Variants in ZNF536 observed in about 807,000 individuals in gnomAD.
ZNF536 encodes the protein zinc finger protein 536.
ZNF536 carries 13 observed loss-of-function variants against 84.5 expected under a neutral mutation model. The ratio of observed to expected loss-of-function variants is 0.15; its 90% CI spans 0.10 to 0.24. ZNF536 has a LOEUF of 0.24. ZNF536 is among the 10% of genes least tolerant of loss of function. The probability of loss-of-function intolerance (pLI) is 1.00; values close to 1 mark genes in which losing one functional copy is unlikely to be tolerated. For missense variants in ZNF536, 1,536 were observed against 1,747.5 expected (o/e 0.88, Z 2.16); for synonymous variants, 811 against 742.5 (o/e 1.09, Z -1.50).
rs1264243739 is a variant in ZNF536, at chr19:30,549,412, C to G, written c.3793C>G (p.Leu1265Val). 1 of 1,590,080 alleles carries G rather than the reference C, an allele frequency of 6.3e-7. No individual in the cohort carries two copies. The highest frequency in any genetic ancestry group is 8.6e-7 in the Non-Finnish European group (1 of 1,168,126). Reference sequence around the variant, plus strand: ...GAGCCTGGACAAGCCGATGAACATGCTGTCGGTCCTCAGGGCCTACAGTTC... The same window carrying G: ...GAGCCTGGACAAGCCGATGAACATGGTGTCGGTCCTCAGGGCCTACAGTTC... ...PQSLDKPMNM[L>V]SVLRAYSSDG... Residue 1265 changes from leucine to valine, a missense_variant, in exon 4 of 5, where the codon CTG (leucine) becomes GTG (valine). Transcript: ENST00000355537.
chr19:30,303,663 C>A (rs561461720), intron 2 of ZNF536, among the ~76,000 whole-genome samples: 14 of 152,094 alleles, frequency 9.2e-5, no homozygotes, highest in Non-Finnish European at 1.5e-4. Context: ...CCACCACGCC[C>A]GGCTAATTTT....
intron 1 of ZNF536, among the ~76,000 whole-genome samples, chr19:30,675,870 A>G (rs2147776281): frequency 6.6e-6 from 1 of 151,966 alleles, no homozygotes; most frequent in African/African-American, 2.4e-5. Context: ...TTTATTTTTT[A>G]TTTTTGACAC....
At chr19:30,586,047 CT>C (rs1295280920) in intron 1 of ZNF536, among the ~76,000 whole-genome samples, 7 of 152,224 alleles carry the variant, frequency 4.6e-5, no homozygotes, top group African/African-American at 1.7e-4. Flanking sequence ...CACCCCTGCC[CT>C]CCTGGAGCTT....
chr19:30,500,448 C>A (rs943067008), intron 2 of ZNF536, among the ~76,000 whole-genome samples: 1 of 152,010 alleles, frequency 6.6e-6, no homozygotes, highest in African/African-American at 2.4e-5. Flanking sequence ...CAACCCCGGG[C>A]TCATTCCTGG....
chr19:30,236,214 A>G (rs1386782999), intron 1 of ZNF536, among the ~76,000 whole-genome samples: 1 of 152,130 alleles, frequency 6.6e-6, no homozygotes, highest in Non-Finnish European at 1.5e-5. Flanking sequence ...TGGCAAAGCC[A>G]CTCTCTCACT....
At chr19:30,485,068 C>G (rs540913776) in intron 2 of ZNF536, among the ~76,000 whole-genome samples, 1 of 151,868 alleles carries the variant, frequency 6.6e-6, no homozygotes, top group African/African-American at 2.4e-5. Context: ...GGTGTGAACC[C>G]GGAAGGCAGA....
intron 3 of ZNF536, among the ~76,000 whole-genome samples, chr19:30,542,889 G>A (rs2045388656): frequency 1.3e-5 from 2 of 152,160 alleles, no homozygotes; most frequent in Admixed American, 6.5e-5. Context: ...ATAGCTCATT[G>A]CAGCCTCCAA....
At chr19:30,629,838 C>T (rs1163908311) in intron 1 of ZNF536, among the ~76,000 whole-genome samples, 3 of 152,230 alleles carry the variant, frequency 2.0e-5, no homozygotes, top group African/African-American at 7.2e-5. Context: ...AGGGCAGGGG[C>T]AGTGAGGGTC....
In ZNF536 at chr19:30,569,559, C is replaced by CTTTTTTTTTTTTTTTT. The variant is rs34995610; in HGVS notation, c.169+20060_169+20075dup. Among the ~76,000 whole-genome samples, 49 of 55,094 alleles carry CTTTTTTTTTTTTTTTT rather than the reference C, an allele frequency of 8.9e-4. 11 individuals are homozygous for CTTTTTTTTTTTTTTTT. Among genetic ancestry groups the CTTTTTTTTTTTTTTTT allele is most frequent in the East Asian group, 3.6e-3 (4 of 1,106 alleles). 36.1% of individuals were successfully genotyped at this position (55,094 alleles called of 152,430 possible). ...ATGGAATCGAAGCCAGATAAACGTT[C>CTTTTTTTTTTTTTTTT]TTTTTTTTTTTTTTTTTTTTTTTTT... On this transcript the variant is annotated intron_variant, in intron 1 of 1. Coordinates refer to the ZNF536 transcript ENST00000592773.
At chr19:30,226,467 G>C (rs891123496), upstream of ZNF536, among the ~76,000 whole-genome samples, 1 of 151,838 alleles carries the variant, frequency 6.6e-6, no homozygotes, top group African/African-American at 2.4e-5. The surrounding 1 kb of genome is among the most constrained non-coding windows in gnomAD (Gnocchi z 4.6). Flanking sequence ...GAGAGCCGCT[G>C]AGATCTGCCA....
At chr19:30,457,774 A>G (rs1260155894) in intron 2 of ZNF536, among the ~76,000 whole-genome samples, 1 of 152,146 alleles carries the variant, frequency 6.6e-6, no homozygotes, top group Non-Finnish European at 1.5e-5. Flanking sequence ...ACTGGGAAGG[A>G]GGGCTCACAT....
chr19:30,344,057 C>A (rs976139213), intron 2 of ZNF536, among the ~76,000 whole-genome samples: 9 of 151,894 alleles, frequency 5.9e-5, no homozygotes, highest in African/African-American at 2.2e-4. Context: ...GTTGAAGGGG[C>A]CCCTGTCAGA....
chr19:30,632,656 AACC>A (rs2048934028), intron 1 of ZNF536, among the ~76,000 whole-genome samples: 1 of 1,160 alleles, frequency 8.6e-4, no homozygotes, highest in Non-Finnish European at 3.3e-3. Flanking sequence ...CCAACAAACC[AACC>A]AACCAACCAA....
At chr19:30,290,568 G>A (rs1452429503) in intron 2 of ZNF536, among the ~76,000 whole-genome samples, 1 of 152,060 alleles carries the variant, frequency 6.6e-6, no homozygotes, top group African/African-American at 2.4e-5. Flanking sequence ...CACTGCACCC[G>A]GCCCCCTATG....
intron 1 of ZNF536, among the ~76,000 whole-genome samples, chr19:30,701,618 G>A (rs2051987222): frequency 6.6e-6 from 1 of 152,184 alleles, no homozygotes; most frequent in Admixed American, 6.5e-5. Context: ...ACCTCTTGGA[G>A]CATCTTTGAC....
chr19:30,437,630 C>T (rs962535169), intron 1 of ZNF536, among the ~76,000 whole-genome samples: 1 of 152,060 alleles, frequency 6.6e-6, no homozygotes, highest in East Asian at 1.9e-4. Context: ...CTTAGTTCTT[C>T]ATCAATACTG....
At chr19:30,361,820 G>A (rs1018424480) in intron 3 of ZNF536, among the ~76,000 whole-genome samples, 1 of 149,638 alleles carries the variant, frequency 6.7e-6, no homozygotes. Flanking sequence ...CCAGGGTGGG[G>A]TGGGTGGGGC....
intron 2 of ZNF536, among the ~76,000 whole-genome samples, chr19:30,480,065 A>G (rs1292781154): frequency 6.6e-6 from 1 of 152,226 alleles, no homozygotes; most frequent in African/African-American, 2.4e-5. Context: ...TCGATTGTCC[A>G]TGACAATTAG....
At chr19:30,564,989 C>G (rs897370549) in intron 1 of ZNF536, among the ~76,000 whole-genome samples, 7 of 152,072 alleles carry the variant, frequency 4.6e-5, no homozygotes, top group Non-Finnish European at 7.3e-5. Context: ...GTCTTATTTC[C>G]TAGAGGGGCG....
Sources: gnomAD v4.1 joint callset for allele counts (sites outside exome capture counted in the v4.1 genomes callset) on GRCh38, gnomAD v4.1.1 for gene constraint, Gnocchi (gnomAD v3.1) non-coding constraint, MANE v1.5 for transcripts, NCBI Gene and HGNC (gene_info 2026-07-23, HGNC 2026-07-21) for gene names.